Variants in ABAT observed in about 807,000 individuals in gnomAD.
ABAT encodes the protein 4-aminobutyrate aminotransferase, mitochondrial.
In ABAT, 45 loss-of-function variants were observed where a neutral mutation model predicts 64.6. The observed-to-expected ratio is 0.70, with a 90% CI of 0.55 to 0.89. ABAT has a LOEUF of 0.89. Ranked by LOEUF, ABAT falls within the 40% of genes least tolerant of loss-of-function variation. The pLI is 0.00. For missense variants in ABAT, 633 were observed against 658.4 expected (o/e 0.96, Z 0.42); for synonymous variants, 297 against 250.5 (o/e 1.19, Z -1.75).
At chr16:8,722,795 CA>C (rs958084322) in intron 1 of ABAT, 1 of 1,288,746 alleles carries the variant, frequency 7.8e-7, no homozygotes, top group Non-Finnish European at 1.0e-6. Context: ...TAGCGGATTG[CA>C]AAGGGCCTGG....
chr16:8,759,574 G>A (rs183187644), intron 6 of ABAT, among the ~76,000 whole-genome samples: 2 of 152,136 alleles, frequency 1.3e-5, no homozygotes, highest in Admixed American at 1.3e-4. Flanking sequence ...GTGCAGGGGT[G>A]CAATCATGGC....
chr16:8,680,558 G>T (rs2141904864), intron 1 of ABAT, among the ~76,000 whole-genome samples: 1 of 152,080 alleles, frequency 6.6e-6, no homozygotes, highest in South Asian at 2.1e-4. Context: ...AAGTAGCTGG[G>T]ATTACATGTG....
chr16:8,744,446 C>T (rs2059272658), intron 2 of ABAT, among the ~76,000 whole-genome samples: 1 of 151,950 alleles, frequency 6.6e-6, no homozygotes, highest in Admixed American at 6.5e-5. Context: ...TGGCTCACTG[C>T]AGCCTCTGCC....
intron 1 of ABAT, among the ~76,000 whole-genome samples, chr16:8,723,673 C>T (rs1216230710): frequency 6.6e-6 from 1 of 151,766 alleles, no homozygotes; most frequent in Non-Finnish European, 1.5e-5. Flanking sequence ...CCCTAATTCC[C>T]AGCGCAACCC....
At chr16:8,697,783 A>G (rs369742127) in intron 1 of ABAT, among the ~76,000 whole-genome samples, 46 of 151,942 alleles carry the variant, frequency 3.0e-4, no homozygotes, top group African/African-American at 1.1e-3. Context: ...TTACAGGTAC[A>G]AGCGACCACG....
intron 2 of ABAT, chr16:8,737,010 G>T (rs1012963477): frequency 6.6e-6 from 1 of 152,546 alleles, no homozygotes; most frequent in Non-Finnish European, 1.5e-5. Context: ...CTCTCTCACA[G>T]CCCCTGTGCT....
chr16:8,775,839 C>T (rs1006065631), intron 13 of ABAT, among the ~76,000 whole-genome samples: 9 of 152,160 alleles, frequency 5.9e-5, no homozygotes, highest in African/African-American at 2.2e-4. Flanking sequence ...ATAAGGGAGG[C>T]TGGGAAGGGT....
intron 1 of ABAT, among the ~76,000 whole-genome samples, chr16:8,727,676 C>T (rs2058597920): frequency 6.6e-6 from 1 of 152,222 alleles, no homozygotes; most frequent in Non-Finnish European, 1.5e-5. Context: ...CAGCCTAGTA[C>T]ATTAAATTCT....
At chr16:8,711,722 G>GATGATT (rs1555485772) in intron 1 of ABAT, among the ~76,000 whole-genome samples, 10 of 58,546 alleles carry the variant, frequency 1.7e-4, no homozygotes, top group Non-Finnish European at 2.6e-4. Context: ...ATGGATGGAT[G>GATGATT]GGAAGATGGA....
At chr16:8,699,352 A>C (rs1311264375) in intron 1 of ABAT, among the ~76,000 whole-genome samples, 2 of 151,944 alleles carry the variant, frequency 1.3e-5, no homozygotes, top group Non-Finnish European at 2.9e-5. Flanking sequence ...GGATCACCTA[A>C]GGTCAGGAGT....
intron 1 of ABAT, among the ~76,000 whole-genome samples, chr16:8,730,514 TTCTC>T (rs1283822806): frequency 6.6e-6 from 1 of 152,148 alleles, no homozygotes; most frequent in African/African-American, 2.4e-5. Context: ...CCTTGCCCTG[TTCTC>T]TCTCCTTGGA....
chr16:8,743,294 G>T (rs1448908952), intron 2 of ABAT, among the ~76,000 whole-genome samples: 4 of 133,952 alleles, frequency 3.0e-5, no homozygotes, highest in Non-Finnish European at 4.6e-5. Flanking sequence ...TGTATAGTTC[G>T]ACAAGCTATC....
chr16:8,759,795 C>T (rs1246548728), intron 6 of ABAT, among the ~76,000 whole-genome samples: 1 of 152,208 alleles, frequency 6.6e-6, no homozygotes, highest in Non-Finnish European at 1.5e-5. Flanking sequence ...CCTCCTGCCT[C>T]GGTCTCCCAA....
At chr16:8,681,641 CTTTTT>C (rs35141742) in intron 1 of ABAT, among the ~76,000 whole-genome samples, 11 of 127,742 alleles carry the variant, frequency 8.6e-5, no homozygotes, top group South Asian at 2.6e-4. Context: ...TGACTGCTAT[CTTTTT>C]TTTTTTTTTT....
chr16:8,725,435 C>G (rs2058522282), intron 1 of ABAT, among the ~76,000 whole-genome samples: 1 of 152,180 alleles, frequency 6.6e-6, no homozygotes. Context: ...TTCACCTACT[C>G]TTGAAGGTTC....
chr16:8,712,474 A>T (rs924737309), intron 1 of ABAT, among the ~76,000 whole-genome samples: 3 of 152,152 alleles, frequency 2.0e-5, no homozygotes, highest in African/African-American at 7.2e-5. Flanking sequence ...AAAGTTTCAT[A>T]AAAAATCATG....
At chr16:8,680,901 T>C (rs546470059) in intron 1 of ABAT, among the ~76,000 whole-genome samples, 2 of 152,334 alleles carry the variant, frequency 1.3e-5, no homozygotes, top group African/African-American at 4.8e-5. Context: ...TGCCCATTTT[T>C]GAATTGAGTT....
Position 8,782,955 on chromosome 16 carries a change from C to G in ABAT, c.*1525C>G, listed in dbSNP as rs2060473924. On this transcript the variant is annotated 3_prime_UTR_variant, in exon 16 of 16. Coordinates refer to ENST00000268251, the MANE Select transcript of ABAT (RefSeq NM_020686.6). Reference sequence around the variant, plus strand: ...TAAGGGTTTTTTTTTTTAGCTTCCACTCTTCCGCAGACTTGGTCATCGACC... The same window carrying G: ...TAAGGGTTTTTTTTTTTAGCTTCCAGTCTTCCGCAGACTTGGTCATCGACC... The G allele has an allele frequency of 6.6e-6, 1 of 152,128 alleles. No individual in the cohort carries two copies. The highest frequency in any genetic ancestry group is 1.9e-4 in the East Asian group (1 of 5,174). The allele number at this position is 152,128 out of a possible 1,614,324, so 9.4% of individuals were successfully genotyped here. A position where few individuals can be genotyped will look rare whatever the true frequency, so the allele number is the denominator to read the frequency against.
At chr16:8,707,042 G>T (rs59049396) in intron 1 of ABAT, among the ~76,000 whole-genome samples, 18,004 of 152,116 alleles carry the variant, frequency 0.12, 1,387 homozygotes, top group South Asian at 0.21. Flanking sequence ...GGCAGAGGTG[G>T]GTTAGGCAAG....
Sources: allele counts gnomAD v4.1 joint callset (sites outside exome capture counted in the v4.1 genomes callset), GRCh38; gene constraint gnomAD v4.1.1; transcripts MANE v1.5; gene names NCBI Gene and HGNC (gene_info 2026-07-23, HGNC 2026-07-21).